Variants in ITGBL1 observed in about 807,000 individuals in gnomAD.
The protein encoded by ITGBL1 is integrin subunit beta like 1.
Under a neutral mutation model 68.5 loss-of-function variants are expected in ITGBL1, and 51 were observed. The observed-to-expected ratio is 0.74, with a 90% CI of 0.59 to 0.94. The LOEUF (loss-of-function observed/expected upper bound fraction) is 0.94, where lower values mean the gene tolerates loss of function less well. ITGBL1 is among the 40% of genes least tolerant of loss of function. The pLI is 0.00. For missense variants in ITGBL1, 649 were observed against 647.4 expected, an observed-to-expected ratio of 1.00 and a Z score of -0.03; for synonymous variants, 209 against 227.3, an observed-to-expected ratio of 0.92 and a Z score of 0.72.
At chr13:101,483,821 C>A (rs1457176093) in intron 2 of ITGBL1, among the ~76,000 whole-genome samples, 1 of 152,022 alleles carries the variant, frequency 6.6e-6, no homozygotes, top group East Asian at 1.9e-4. Context: ...GCTTAAATAA[C>A]TCAGATAATT....
At chr13:101,677,469 A>G (rs1406055404) in intron 7 of ITGBL1, among the ~76,000 whole-genome samples, 3 of 152,188 alleles carry the variant, frequency 2.0e-5, no homozygotes, top group Non-Finnish European at 4.4e-5. Context: ...GCAGTTATGT[A>G]GATACTCTTA....
chr13:101,644,112 C>T (rs1422066394), intron 7 of ITGBL1, among the ~76,000 whole-genome samples: 3 of 152,148 alleles, frequency 2.0e-5, no homozygotes, highest in African/African-American at 7.2e-5. Context: ...ATGCTTGGCC[C>T]TCCCTGTTGC....
chr13:101,552,807 A>G (rs1458634236), intron 2 of ITGBL1, among the ~76,000 whole-genome samples: 1 of 152,248 alleles, frequency 6.6e-6, no homozygotes, highest in Non-Finnish European at 1.5e-5. Context: ...AGAAGATAAC[A>G]TTCCAAAGAA....
At chr13:101,456,371 C>G (rs1419107724) in intron 2 of ITGBL1, among the ~76,000 whole-genome samples, 1 of 152,174 alleles carries the variant, frequency 6.6e-6, no homozygotes, top group Admixed American at 6.5e-5. Flanking sequence ...GGCTGCCTTG[C>G]GAGCCCGTCG....
chr13:101,705,488 A>C (rs1332919808), intron 8 of ITGBL1, among the ~76,000 whole-genome samples: 1 of 152,050 alleles, frequency 6.6e-6, no homozygotes, highest in Admixed American at 6.6e-5. Flanking sequence ...TTCTCATGCC[A>C]AAACTTGGGC....
intron 2 of ITGBL1, among the ~76,000 whole-genome samples, chr13:101,553,646 T>C (rs1382496220): frequency 6.6e-6 from 1 of 152,108 alleles, no homozygotes; most frequent in Non-Finnish European, 1.5e-5. Context: ...CTGAGGGTTA[T>C]GCGAGTGGCT....
chr13:101,486,003 C>T (rs1395882796), intron 2 of ITGBL1, among the ~76,000 whole-genome samples: 1 of 152,062 alleles, frequency 6.6e-6, no homozygotes, highest in Non-Finnish European at 1.5e-5. Context: ...TGGGTATCTA[C>T]CCAATGGAAA....
At chr13:101,489,836 G>T in intron 2 of ITGBL1, 1 of 619,392 alleles carries the variant, frequency 1.6e-6, no homozygotes, top group South Asian at 2.0e-5. Context: ...TGATAAAATA[G>T]CATTCAGTTT....
chr13:101,719,131 T>A (rs995876672), downstream of ITGBL1: 4 of 152,270 alleles, frequency 2.6e-5, no homozygotes, highest in Middle Eastern at 6.8e-3. Context: ...ATATTAATGA[T>A]CCATAATATT....
At chr13:101,704,011 C>T (rs1008512090) in intron 8 of ITGBL1, among the ~76,000 whole-genome samples, 8 of 152,028 alleles carry the variant, frequency 5.3e-5, no homozygotes, top group Non-Finnish European at 8.8e-5. Context: ...GGGGAGGGGA[C>T]GGGAGAGACC....
intron 6 of ITGBL1, among the ~76,000 whole-genome samples, chr13:101,592,905 AATAG>A (rs1423737222): frequency 6.6e-6 from 1 of 152,116 alleles, no homozygotes; most frequent in Non-Finnish European, 1.5e-5. Context: ...AACAAAAACA[AATAG>A]ATAAATGGAA....
chr13:101,693,666 C>CTATCT (rs1555367213), intron 8 of ITGBL1, among the ~76,000 whole-genome samples: 1 of 139,238 alleles, frequency 7.2e-6, no homozygotes, highest in Non-Finnish European at 1.6e-5. Flanking sequence ...ATCTATCTAT[C>CTATCT]ATCTATTATC....
At chr13:101,565,534 G>A (rs2050170345) in intron 2 of ITGBL1, among the ~76,000 whole-genome samples, 1 of 152,106 alleles carries the variant, frequency 6.6e-6, no homozygotes, top group Admixed American at 6.6e-5. Flanking sequence ...CAGATGCTAA[G>A]GAAGAAGCTG....
chr13:101,488,661 G>A (rs1486747453), intron 2 of ITGBL1, among the ~76,000 whole-genome samples: 17 of 152,132 alleles, frequency 1.1e-4, no homozygotes. Context: ...AGTACCCTAT[G>A]TCTTATTCGT....
At chr13:101,520,484 A>AG (rs1192414835) in intron 2 of ITGBL1, among the ~76,000 whole-genome samples, 1 of 152,296 alleles carries the variant, frequency 6.6e-6, no homozygotes, top group African/African-American at 2.4e-5. Flanking sequence ...AAATTGAAGA[A>AG]GTAATCATCT....
intron 6 of ITGBL1, among the ~76,000 whole-genome samples, chr13:101,586,245 A>T (rs1347306660): frequency 1.3e-5 from 2 of 152,090 alleles, no homozygotes; most frequent in Non-Finnish European, 2.9e-5. Context: ...ACCCTATGAG[A>T]TTCCACACAG....
chr13:101,674,330 AC>A (rs973097185), intron 7 of ITGBL1, among the ~76,000 whole-genome samples: 3 of 151,812 alleles, frequency 2.0e-5, no homozygotes, highest in African/African-American at 7.3e-5. Flanking sequence ...ACCTTTAAAA[AC>A]CCTTGTCTTC....
intron 7 of ITGBL1, among the ~76,000 whole-genome samples, chr13:101,604,868 A>ATG (rs1210525433): frequency 8.9e-5 from 3 of 33,534 alleles, no homozygotes; most frequent in African/African-American, 1.0e-4. Context: ...ATATATATAT[A>ATG]TATATATATA....
chr13:101,539,870 A>G (rs1594875941), intron 2 of ITGBL1, among the ~76,000 whole-genome samples: 1 of 152,254 alleles, frequency 6.6e-6, no homozygotes, highest in African/African-American at 2.4e-5. Context: ...GTGTCTGTTC[A>G]TATACTTCAC....
Sources: gnomAD v4.1 joint callset for allele counts (sites outside exome capture counted in the v4.1 genomes callset) on GRCh38, gnomAD v4.1.1 for gene constraint, MANE v1.5 for transcripts, NCBI Gene and HGNC (gene_info 2026-07-23, HGNC 2026-07-21) for gene names.